CDH13: variants seen among roughly 807,000 people sequenced by gnomAD.
CDH13 encodes cadherin-13.
A neutral mutation model predicts 63.8 loss-of-function variants in CDH13; 24 were observed. The observed-to-expected ratio is 0.38, with a 90% CI of 0.27 to 0.53. The LOEUF (loss-of-function observed/expected upper bound fraction) is 0.53. Among genes scored for constraint, CDH13 ranks in the 20% least tolerant of loss-of-function variants. The probability of loss-of-function intolerance (pLI) is 0.85; values close to 1 mark genes in which losing one functional copy is unlikely to be tolerated. For synonymous variants in CDH13, 503 were observed against 355.3 expected, an observed-to-expected ratio of 1.42 and a Z score of -4.67; for missense variants, 1,049 against 903.1, an observed-to-expected ratio of 1.16 and a Z score of -2.07.
chr16:83,464,742 C>T lies in CDH13; in HGVS notation c.782-21735C>T, dbSNP rs943096087. Among the ~76,000 whole-genome samples, 85 of 152,202 alleles carry T rather than the reference C, an allele frequency of 5.6e-4. 1 individual carries two copies. Among genetic ancestry groups the T allele is most frequent in the African/African-American group, 9.9e-4 (41 of 41,524 alleles). Reference sequence around the variant, plus strand: ...TAACCTCATTTTAACTAATTACATCCGAAAAGACACATTCTGAGATTCTGG... The same window carrying T: ...TAACCTCATTTTAACTAATTACATCTGAAAAGACACATTCTGAGATTCTGG... On this transcript the variant is annotated intron_variant, in intron 6 of 13. Coordinates refer to ENST00000567109, the MANE Select transcript of CDH13 (RefSeq NM_001257.5).
chr16:82,936,700 C>G lies in CDH13; in HGVS notation c.157+78227C>G, dbSNP rs946253891. ...GTTCATATTGAAACATTTGTCCTAC[C>G]TACGGATGCCAATGACCAAGGCATA... On this transcript the variant is annotated intron_variant, in intron 2 of 13. Transcript: ENST00000567109. Among the ~76,000 whole-genome samples, 5 of 152,250 alleles carry G rather than the reference C, an allele frequency of 3.3e-5. No individual in the cohort carries two copies. The South Asian group carries it at 1.0e-3, about 32-fold the overall frequency.
At chr16:83,706,395 C>T (rs1320449601) in intron 10 of CDH13, among the ~76,000 whole-genome samples, 1 of 152,160 alleles carries the variant, frequency 6.6e-6, no homozygotes. Context: ...AACTAGACTC[C>T]ACCTGTGAAC....
rs79931522 is a variant in CDH13, at chr16:82,774,790, T to A, written c.46-83572T>A. On this transcript the variant is annotated intron_variant, in intron 1 of 13. Coordinates refer to ENST00000567109, the MANE Select transcript of CDH13 (RefSeq NM_001257.5). ...AGCCTGTGAGCGGGTTTAATTCTCC[T>A]TCATGAGAAGCCCCCTGGTCAGGGT... Among the ~76,000 whole-genome samples, 1,244 of 152,284 alleles carry A rather than the reference T, an allele frequency of 8.2e-3. 12 individuals are homozygous for A. The highest frequency in any genetic ancestry group is 0.029 in the African/African-American group (1,196 of 41,546).
intron 8 of CDH13, among the ~76,000 whole-genome samples, chr16:83,632,500 C>G (rs146449632): frequency 6.6e-6 from 1 of 151,982 alleles, no homozygotes; most frequent in Non-Finnish European, 1.5e-5. Flanking sequence ...GTGCATTCTA[C>G]TAGACCCTCC....
At chr16:83,739,339 T>C (rs1335204285) in intron 10 of CDH13, among the ~76,000 whole-genome samples, 1 of 146,404 alleles carries the variant, frequency 6.8e-6, no homozygotes, top group Non-Finnish European at 1.6e-5. Context: ...AACTTGCTCC[T>C]GGAATTAAGC....
intron 1 of CDH13, among the ~76,000 whole-genome samples, chr16:82,641,276 G>A (rs1333853928): frequency 3.9e-5 from 6 of 152,168 alleles, no homozygotes; most frequent in Non-Finnish European, 4.4e-5. Flanking sequence ...TGCTGTCATG[G>A]GGAGCAGTCA....
intron 6 of CDH13, among the ~76,000 whole-genome samples, chr16:83,416,544 G>A (rs1450608845): frequency 6.6e-6 from 1 of 152,096 alleles, no homozygotes; most frequent in Non-Finnish European, 1.5e-5. Flanking sequence ...GTTTTCTGTA[G>A]GTAGAAACTG....
At chr16:82,704,834 A>G (rs1399562409) in intron 1 of CDH13, among the ~76,000 whole-genome samples, 1 of 152,232 alleles carries the variant, frequency 6.6e-6, no homozygotes, top group African/African-American at 2.4e-5. Context: ...GTGGATTTGT[A>G]TGAAATAAAT....
At chr16:82,738,342 G>A (rs972921044) in intron 1 of CDH13, among the ~76,000 whole-genome samples, 3 of 152,296 alleles carry the variant, frequency 2.0e-5, no homozygotes, top group Non-Finnish European at 4.4e-5. Context: ...TTTAATTTGT[G>A]TTCCTGTCAA....
chr16:83,056,822 T>C (rs1332317987), intron 3 of CDH13, among the ~76,000 whole-genome samples: 2 of 151,790 alleles, frequency 1.3e-5, no homozygotes, highest in African/African-American at 2.4e-5. Context: ...TTGATGGTTT[T>C]ATAGAAGAGA....
At chr16:83,118,657 G>A (rs1372922192) in intron 3 of CDH13, among the ~76,000 whole-genome samples, 1 of 152,140 alleles carries the variant, frequency 6.6e-6, no homozygotes, top group Admixed American at 6.5e-5. Context: ...CGTTTCTGCA[G>A]TTCTTTAGAG....
At chr16:82,885,501 A>C (rs952045179) in intron 2 of CDH13, among the ~76,000 whole-genome samples, 1 of 129,788 alleles carries the variant, frequency 7.7e-6, no homozygotes, top group African/African-American at 2.9e-5. Context: ...CCATCCATCC[A>C]CCCATCCATC....
At chr16:82,687,090 C>G (rs938820997) in intron 1 of CDH13, among the ~76,000 whole-genome samples, 1 of 152,166 alleles carries the variant, frequency 6.6e-6, no homozygotes, top group African/African-American at 2.4e-5. Flanking sequence ...GGAACTGAGT[C>G]TTACCCATTA....
At chr16:83,192,257 C>T (rs570979823) in intron 4 of CDH13, among the ~76,000 whole-genome samples, 2 of 152,252 alleles carry the variant, frequency 1.3e-5, no homozygotes, top group South Asian at 2.1e-4. Context: ...TGTACTTGAC[C>T]TTCATGCCCA....
At chr16:82,934,452 G>T (rs2042601134) in intron 2 of CDH13, among the ~76,000 whole-genome samples, 1 of 152,176 alleles carries the variant, frequency 6.6e-6, no homozygotes. Flanking sequence ...CAGGGCCTGT[G>T]ATGGCAGGGG....
intron 2 of CDH13, among the ~76,000 whole-genome samples, chr16:82,986,115 C>T (rs952264393): frequency 6.6e-6 from 1 of 152,216 alleles, no homozygotes; most frequent in African/African-American, 2.4e-5. Context: ...TACTCTTACA[C>T]TTATTGTAGA....
At chr16:83,093,643 A>G (rs1694614027) in intron 3 of CDH13, among the ~76,000 whole-genome samples, 1 of 151,990 alleles carries the variant, frequency 6.6e-6, no homozygotes, top group African/African-American at 2.4e-5. Context: ...TTAATATGCT[A>G]ATTTATTTCA....
chr16:83,657,976 A>C (rs1444727808), intron 8 of CDH13, among the ~76,000 whole-genome samples: 1 of 147,056 alleles, frequency 6.8e-6, no homozygotes, highest in Non-Finnish European at 1.5e-5. Flanking sequence ...TCATGTCCTC[A>C]CCACCAGGTC....
chr16:83,467,256 T>A (rs1026762371), intron 6 of CDH13, among the ~76,000 whole-genome samples: 1 of 152,186 alleles, frequency 6.6e-6, no homozygotes, highest in Non-Finnish European at 1.5e-5. Context: ...CTTTAAAGAT[T>A]GGAAAGAAAT....
Sources: gnomAD v4.1 joint callset for allele counts (sites outside exome capture counted in the v4.1 genomes callset) on GRCh38, gnomAD v4.1.1 for gene constraint, MANE v1.5 for transcripts, NCBI Gene and HGNC (gene_info 2026-07-23, HGNC 2026-07-21) for gene names.